The following MYO1F variants were observed in gnomAD, a reference collection of about 807,000 sequenced individuals.
The protein encoded by MYO1F is myosin IF.
In MYO1F, 60 loss-of-function variants were observed where a neutral mutation model predicts 146.6. The observed-to-expected ratio is 0.41, with a 90% CI of 0.33 to 0.51. The LOEUF (loss-of-function observed/expected upper bound fraction) is 0.51. Ranked by LOEUF, MYO1F falls within the 20% of genes least tolerant of loss-of-function variation. MYO1F has a pLI of 0.25. For synonymous variants in MYO1F, 602 were observed against 602.1 expected, an observed-to-expected ratio of 1.00 and a Z score of 0.00; for missense variants, 1,274 against 1,534.3, an observed-to-expected ratio of 0.83 and a Z score of 2.83.
In MYO1F at chr19:8,574,898, G is replaced by A. The variant is rs572676248; in HGVS notation, c.3+2409C>T. On this transcript the variant is annotated intron_variant, in intron 1 of 27. Transcript: ENST00000644032. ...AGGTTCCCGGGTAGCTGGGGTTACAGGCGCGCACCACCACGACTGGCTAAT... is the reference window on the plus strand; with the variant it reads ...AGGTTCCCGGGTAGCTGGGGTTACAAGCGCGCACCACCACGACTGGCTAAT... Among the ~76,000 whole-genome samples, 27 of 150,400 alleles carry A rather than the reference G, an allele frequency of 1.8e-4. No individual in the cohort carries two copies. The East Asian group carries it at 5.1e-3, about 28-fold the overall frequency.
At chr19:8,565,590 A>G (rs2145967213) in intron 1 of MYO1F, among the ~76,000 whole-genome samples, 1 of 152,074 alleles carries the variant, frequency 6.6e-6, no homozygotes, top group East Asian at 1.9e-4. Context: ...TTGTGGGCAA[A>G]GTGGCATCAT....
intron 24 of MYO1F, 62 bp from the exon 25 acceptor site, chr19:8,525,624 A>G (rs1972235083): frequency 7.1e-7 from 1 of 1,417,144 alleles, no homozygotes; most frequent in Non-Finnish European, 9.8e-7. Context: ...CCCGCCCACA[A>G]ATCTAGTCCA....
Position 8,553,219 on chromosome 19 carries a change from C to G in MYO1F, c.424G>C (p.Asp142His), listed in dbSNP as rs1352408462. ...AGCGGGTTGGACTGCAGGATGATATCTTTGACGTGCTGGGGCAGAGGCAGG... is the reference window on the plus strand; with the variant it reads ...AGCGGGTTGGACTGCAGGATGATATGTTTGACGTGCTGGGGCAGAGGCAGG... ...GGGEKVQHVK[D>H]IILQSNPLLE... is the part of the protein sequence containing the mutation. The change falls in exon 6 of 28, where the codon GAT (aspartate) becomes CAT (histidine). Residue 142 changes from aspartate (D) to histidine (H), a missense_variant. Asp to His is a moderately conservative substitution (Grantham distance 81). Transcript: ENST00000644032. The G allele has an allele frequency of 1.2e-6, 2 of 1,614,024 alleles. No homozygotes were observed. The highest frequency in any genetic ancestry group is 1.7e-6 in the Non-Finnish European group (2 of 1,180,032).
Position 8,556,887 on chromosome 19 carries a change from C to CAAAAAA in MYO1F, c.4-1097_4-1092dup, listed in dbSNP as rs534645939. On this transcript the variant is annotated intron_variant, in intron 1 of 27. Coordinates refer to ENST00000644032, the MANE Select transcript of MYO1F (RefSeq NM_012335.4). The stretch of plus-strand genomic sequence containing the variant: ...TGGCAACAAGAGTGAAACTCTGTCT[C>CAAAAAA]AAAAAAAAAAAAAAAAAAAAAAAGG... Among the ~76,000 whole-genome samples the CAAAAAA allele has an allele frequency of 4.4e-3, 304 of 69,142 alleles. 1 individual carries two copies. The highest frequency in any genetic ancestry group is 0.01 in the Non-Finnish European group (256 of 24,770). The allele number at this position is 69,142 out of a possible 152,430, so 45.4% of individuals were successfully genotyped here.
Position 8,553,179 on chromosome 19 carries a change from C to T in MYO1F, c.464G>A (p.Gly155Asp). 1 of 1,614,158 alleles carries T rather than the reference C, an allele frequency of 6.2e-7. No individual in the cohort carries two copies. The highest frequency in any genetic ancestry group is 8.5e-7 in the Non-Finnish European group (1 of 1,180,032). ...GTTGTTGCGCACAGTCTTGGCGTTG[C>T]CGAAGGCCTCGAGCAGCGGGTTGGA... Reference protein sequence around the residue: ...LQSNPLLEAFGNAKTVRNNNS... With the variant: ...LQSNPLLEAFDNAKTVRNNNS... Residue 155 changes from glycine to aspartate, a missense_variant, in exon 6 of 28, where the codon GGC becomes GAC. Physicochemically the swap from Gly to Asp is moderately conservative, Grantham distance 94 (BLOSUM62 -1). This residue lies in a region of MYO1F where 900 missense variants were observed against 1,155.1 expected (regional missense o/e 0.78). Transcript: ENST00000644032.
chr19:8,566,252 C>G (rs534321167), intron 1 of MYO1F, among the ~76,000 whole-genome samples: 105 of 141,740 alleles, frequency 7.4e-4, no homozygotes, highest in African/African-American at 2.4e-3. Flanking sequence ...ACTGCAAGCT[C>G]TGCCTCCCGG....
At chr19:8,544,781 A>G (rs1200848879) in intron 13 of MYO1F, among the ~76,000 whole-genome samples, 1 of 151,822 alleles carries the variant, frequency 6.6e-6, no homozygotes, top group Non-Finnish European at 1.5e-5. Context: ...TTATGTATTT[A>G]TTTATTTATT....
intron 12 of MYO1F, among the ~76,000 whole-genome samples, chr19:8,547,641 TCTC>T (rs1973427274): frequency 6.6e-6 from 1 of 151,242 alleles, no homozygotes; most frequent in Non-Finnish European, 1.5e-5. Context: ...ACTTCCTCAG[TCTC>T]CTCTTGGAGC....
At position 8,522,797 on chromosome 19, in the gene MYO1F, T is replaced by C; in HGVS notation, c.2887A>G (p.Arg963Gly). Reference sequence around the variant, plus strand: ...ATCTCCAGGGGCAGGGGGCCCCCTCTGGCAGAGGGGGGCACCCCATTGCGA... The same window carrying C: ...ATCTCCAGGGGCAGGGGGCCCCCTCCGGCAGAGGGGGGCACCCCATTGCGA... ...MDRNGVPPSARGGPLPLEIMS... is the reference protein window; with the variant it reads ...MDRNGVPPSAGGGPLPLEIMS... Residue 963 changes from arginine to glycine, a missense_variant, in exon 26 of 28, where the codon AGA becomes GGA. Arg to Gly is a moderately radical substitution (Grantham distance 125). Around this residue, in one of 2 missense-constraint regions of MYO1F, gnomAD observed 374 missense variants for 379.2 expected, o/e 0.99. Coordinates refer to ENST00000644032, the MANE Select transcript of MYO1F (RefSeq NM_012335.4). 1 of 1,593,490 alleles carries C rather than the reference T, an allele frequency of 6.3e-7. No individual in the cohort carries two copies. Among genetic ancestry groups the C allele is most frequent in the Non-Finnish European group, 8.5e-7 (1 of 1,172,466 alleles).
rs1321986972 is a variant in MYO1F, at chr19:8,530,409, C to T, written c.2159-44G>A. ...GAGGGCAGAGCTCCTGATACAGCTC[C>T]TCCAGGTCCTTGTGCCCCCACCCCG... On this transcript the variant is annotated intron_variant, in intron 20 of 27. Transcript: ENST00000644032. The surrounding 1 kb of genome is among the most constrained non-coding windows in gnomAD (Gnocchi z 5.8). 2 of 1,613,902 alleles carry T rather than the reference C, an allele frequency of 1.2e-6. No homozygotes were observed. Among genetic ancestry groups the T allele is most frequent in the Non-Finnish European group, 1.7e-6 (2 of 1,180,012 alleles).
rs782808370 is a variant in MYO1F at position 8,577,433 on chromosome 19, G to A, written c.-124C>T. The A allele has an allele frequency of 2.0e-5, 22 of 1,101,982 alleles. No individual in the cohort carries two copies. Among genetic ancestry groups the A allele is most frequent in the South Asian group, 1.4e-4 (11 of 77,172 alleles). The allele number at this position is 1,101,982 out of a possible 1,614,324, so 68.3% of individuals were successfully genotyped here. A position where few individuals can be genotyped will look rare whatever the true frequency, so the allele number is the denominator to read the frequency against. On this transcript the variant is annotated 5_prime_UTR_variant, in exon 1 of 28. Transcript: ENST00000644032. The surrounding 1 kb of genome is among the most constrained non-coding windows in gnomAD (Gnocchi z 4.3). ...GCTTCTGCCCGTTCACCGGACTCCC[G>A]GCTTTAGTTCCTCTTACAACAGCCC... is the stretch of plus-strand genomic sequence containing the variant.
At chr19:8,561,395 T>TCCC (rs1974105208) in intron 1 of MYO1F, among the ~76,000 whole-genome samples, 8 of 69,336 alleles carry the variant, frequency 1.2e-4, no homozygotes, top group South Asian at 9.0e-4. Flanking sequence ...CCTTCTTTCC[T>TCCC]TCCTTCCTTT....
At position 8,536,563 on chromosome 19, in the gene MYO1F, C is replaced by T; in HGVS notation, c.1834G>A (p.Glu612Lys). Residue 612 changes from glutamate (E) to lysine (K), a missense_variant, in exon 18 of 28, where the codon GAG becomes AAG. Around this residue, in one of 2 missense-constraint regions of MYO1F, gnomAD observed 900 missense variants for 1,155.1 expected, o/e 0.78. Coordinates refer to ENST00000644032, the MANE Select transcript of MYO1F (RefSeq NM_012335.4). ...KHQVEYLGLK[E>K]NIRVRRAGFA... ...CCGGCTCTGCGCACCCTGATGTTCT[C>T]CTTCAGGCCCAGGTATTCCACCTGG... 6.2e-7 allele frequency: 1 copy of T among 1,609,264 alleles called. No individual in the cohort carries two copies. Among genetic ancestry groups the T allele is most frequent in the Non-Finnish European group, 8.5e-7 (1 of 1,178,576 alleles).
chr19:8,561,486 C>G (rs1003852317), intron 1 of MYO1F, among the ~76,000 whole-genome samples: 1 of 139,834 alleles, frequency 7.2e-6, no homozygotes, highest in Non-Finnish European at 1.5e-5. Flanking sequence ...TTTTCTCTTT[C>G]TTTCGTTCTC....
intron 1 of MYO1F, among the ~76,000 whole-genome samples, chr19:8,574,626 TTTCTTTCTTTCTTTCTTTCCTTTCTTTC>T (rs782579706): frequency 0.13 from 9,122 of 68,106 alleles, 467 homozygotes; most frequent in East Asian, 0.26. Context: ...TCTTTCTTTC[TTTCTTTCTTTCTTTCTTTCCTTTCTTTC>T]TCTTTCTTCT....
chr19:8,521,301 G>A lies in MYO1F; in HGVS notation c.*227C>T. 1.7e-6 allele frequency: 1 copy of A among 587,942 alleles called. No homozygotes were observed. Among genetic ancestry groups the A allele is most frequent in the Non-Finnish European group, 3.1e-6 (1 of 326,608 alleles). The allele number at this position is 587,942 out of a possible 1,614,324, so 36.4% of individuals were successfully genotyped here. On this transcript the variant is annotated 3_prime_UTR_variant, in exon 28 of 28. Transcript: ENST00000644032. ...GTCCCCTTTGACACACACAGAAATG[G>A]AGAATGGGCAGCAGGTGTGATGTTG...
chr19:8,560,630 A>G (rs1290704442), intron 1 of MYO1F, among the ~76,000 whole-genome samples: 1 of 151,992 alleles, frequency 6.6e-6, no homozygotes, highest in Non-Finnish European at 1.5e-5. Context: ...GCTGGAGTGC[A>G]GTGGCAAGGT....
chr19:8,561,364 C>A (rs1313781754), intron 1 of MYO1F, among the ~76,000 whole-genome samples: 1 of 114,466 alleles, frequency 8.7e-6, no homozygotes, highest in African/African-American at 3.0e-5. Flanking sequence ...CTCCCTCCCT[C>A]CCTCCCTCCC....
intron 1 of MYO1F, among the ~76,000 whole-genome samples, chr19:8,557,279 A>C (rs1157180939): frequency 6.6e-6 from 1 of 151,958 alleles, no homozygotes; most frequent in Non-Finnish European, 1.5e-5. Flanking sequence ...TGTCTCAAAA[A>C]AAACAAACAA....
Sources: allele counts gnomAD v4.1 joint callset (sites outside exome capture counted in the v4.1 genomes callset), GRCh38; gene constraint gnomAD v4.1.1; regional missense constraint gnomAD v4.1.1; non-coding constraint Gnocchi (gnomAD v3.1); transcripts MANE v1.5; gene names NCBI Gene and HGNC (gene_info 2026-07-23, HGNC 2026-07-21).